SLC39A8: variants seen among roughly 807,000 people sequenced by gnomAD.
The protein encoded by SLC39A8 is solute carrier family 39 member 8.
A neutral mutation model predicts 40.4 loss-of-function variants in SLC39A8; 15 were observed. The ratio of observed to expected loss-of-function variants is 0.37; its 90% CI spans 0.25 to 0.57. The LOEUF is 0.57. Ranked by LOEUF, SLC39A8 falls within the 20% of genes least tolerant of loss-of-function variation. SLC39A8 has a pLI of 0.75. For missense variants in SLC39A8, 472 were observed against 558.8 expected (o/e 0.84, Z 1.57); for synonymous variants, 223 against 221.6 (o/e 1.01, Z -0.06).
At position 102,304,992 on chromosome 4, in the gene SLC39A8, A is replaced by G. The variant is rs1734103777; in HGVS notation, c.672T>C (p.Gly224=). Residue 224 remains glycine (G), a synonymous_variant, in exon 5 of 9, where the codon GGT becomes GGC. Coordinates refer to ENST00000356736, the MANE Select transcript of SLC39A8 (RefSeq NM_001135146.2). ...GTTTTAAATAAAGTCCATTTACCTGACCATATGTCTTTAATAACATCTTTA... is the reference window on the plus strand; with the variant it reads ...GTTTTAAATAAAGTCCATTTACCTGGCCATATGTCTTTAATAACATCTTTA... ...RMLKMLLKTY[G]QNGHTHFGND... is the part of the protein sequence containing the mutation. 2 of 1,602,416 alleles carry G rather than the reference A, an allele frequency of 1.2e-6. No individual in the cohort carries two copies. Among genetic ancestry groups the G allele is most frequent in the African/African-American group, 1.3e-5 (1 of 74,540 alleles).
chr4:102,262,892 T>C lies in SLC39A8; in HGVS notation c.*152A>G. On this transcript the variant is annotated 3_prime_UTR_variant, in exon 9 of 9. Transcript: ENST00000356736. ...ATTTTTAACAACAAATAATGGACTA[T>C]TTCACAGACTGATGCCAATAATTAG... 2 of 1,398,666 alleles carry C rather than the reference T, an allele frequency of 1.4e-6. No homozygotes were observed. The highest frequency in any genetic ancestry group is 1.9e-6 in the Non-Finnish European group (2 of 1,079,516). 86.6% of individuals were successfully genotyped at this position (1,398,666 alleles called of 1,614,324 possible).
At chr4:102,332,025 T>C (rs1407778207) in intron 2 of SLC39A8, among the ~76,000 whole-genome samples, 1 of 152,066 alleles carries the variant, frequency 6.6e-6, no homozygotes, top group Non-Finnish European at 1.5e-5. Context: ...TGAAAATAAA[T>C]TGAAGATTTG....
At chr4:102,321,050 G>A (rs1340026984) in intron 2 of SLC39A8, among the ~76,000 whole-genome samples, 4 of 151,954 alleles carry the variant, frequency 2.6e-5, no homozygotes, top group Non-Finnish European at 5.9e-5. Flanking sequence ...AAAGCTGGAG[G>A]ATGACAACCA....
At chr4:102,281,358 C>G (rs1213540235) in intron 6 of SLC39A8, among the ~76,000 whole-genome samples, 1 of 152,080 alleles carries the variant, frequency 6.6e-6, no homozygotes, top group Admixed American at 6.6e-5. Context: ...GATGGGATGC[C>G]GTGGAGAAAC....
intron 2 of SLC39A8, among the ~76,000 whole-genome samples, chr4:102,332,165 T>A (rs1415237792): frequency 6.6e-6 from 1 of 151,960 alleles, no homozygotes; most frequent in South Asian, 2.1e-4. Context: ...AATTGACAAA[T>A]GGGATCTAAT....
Position 102,315,744 on chromosome 4 carries a change from T to A in SLC39A8, c.306A>T (p.Pro102=). The change falls in exon 3 of 9, where the codon CCA becomes CCT. Residue 102 remains proline (P), a synonymous_variant. Transcript: ENST00000356736. ...GAAAGTTCAATTGCTGTAAGACTGC[T>A]GGACAGATGACAGAGAATTTGGAGC... ...ITSSKFSVIC[P]AVLQQLNFHP... 2 of 1,613,508 alleles carry A rather than the reference T, an allele frequency of 1.2e-6. No individual in the cohort carries two copies. Among genetic ancestry groups the A allele is most frequent in the Non-Finnish European group, 1.7e-6 (2 of 1,179,636 alleles).
intron 2 of SLC39A8, among the ~76,000 whole-genome samples, chr4:102,320,887 G>T (rs1471241779): frequency 2.7e-5 from 4 of 150,904 alleles, no homozygotes; most frequent in African/African-American, 9.7e-5. Context: ...TTACCACTTC[G>T]ACTGCTGTTA....
chr4:102,339,941 TA>T (rs1238868471), intron 2 of SLC39A8, among the ~76,000 whole-genome samples: 1 of 152,236 alleles, frequency 6.6e-6, no homozygotes, highest in East Asian at 1.9e-4. Context: ...GGGAGTTATT[TA>T]TATCCCACTG....
At chr4:102,282,142 C>G (rs1732914644) in intron 6 of SLC39A8, among the ~76,000 whole-genome samples, 1 of 152,160 alleles carries the variant, frequency 6.6e-6, no homozygotes, top group African/African-American at 2.4e-5. Flanking sequence ...GGATTTGAGC[C>G]TCCATGCCAA....
chr4:102,344,397 T>G (rs1221979373), intron 2 of SLC39A8, 47 bp downstream of exon 2: 1 of 1,358,872 alleles, frequency 7.4e-7, no homozygotes, highest in Admixed American at 3.1e-5. Flanking sequence ...AAGTGAAGTC[T>G]AGGGACACCC....
rs1260462462 is a variant in SLC39A8 at position 102,261,707 on chromosome 4, TTTAA to T, written c.*1333_*1336del. The T allele has an allele frequency of 1.1e-5, 11 of 982,906 alleles. No individual in the cohort carries two copies. The African/African-American group carries it at 1.9e-4, about 17-fold the overall frequency. The allele number at this position is 982,906 out of a possible 1,614,324, so 60.9% of individuals were successfully genotyped here. A position where few individuals can be genotyped will look rare whatever the true frequency, so the allele number is the denominator to read the frequency against. ...TTTACTATTTGGCCAAACAATATTT[TTTAA>T]TTGTCAGTCATAAAGTGAAATACAT... is the stretch of plus-strand genomic sequence containing the variant. On this transcript the variant is annotated 3_prime_UTR_variant, in exon 9 of 9. Transcript: ENST00000356736.
At chr4:102,259,545 TG>T, downstream of SLC39A8, 1 of 1,460,330 alleles carries the variant, frequency 6.8e-7, no homozygotes, top group Non-Finnish European at 9.4e-7. Flanking sequence ...ACTGGTATTA[TG>T]GGGGAGAGAT....
intron 2 of SLC39A8, among the ~76,000 whole-genome samples, chr4:102,334,053 G>T (rs1030782297): frequency 6.6e-6 from 1 of 152,072 alleles, no homozygotes; most frequent in African/African-American, 2.4e-5. Flanking sequence ...CATGTGACTT[G>T]GTATAAATTT....
chr4:102,284,457 G>A (rs1459960848), intron 6 of SLC39A8, among the ~76,000 whole-genome samples: 2 of 152,122 alleles, frequency 1.3e-5, no homozygotes, highest in Non-Finnish European at 2.9e-5. Flanking sequence ...GTGTAGAGCA[G>A]AGCTTGGCAC....
chr4:102,304,479 A>C lies in SLC39A8; in HGVS notation c.678T>G (p.Asn226Lys), dbSNP rs1216828704. ...LKMLLKTYGQNGHTHFGNDNF... is the reference protein window; with the variant it reads ...LKMLLKTYGQKGHTHFGNDNF... Reference sequence around the variant, plus strand: ...TATCATTTCCAAAGTGGGTATGACCATTCTATATGGGAACAAAAACCAAAG... The same window carrying C: ...TATCATTTCCAAAGTGGGTATGACCCTTCTATATGGGAACAAAAACCAAAG... The change falls in exon 6 of 9, where the codon AAT (asparagine) becomes AAG (lysine). Residue 226 changes from asparagine to lysine, a missense_variant and splice_region_variant. Transcript: ENST00000356736. 6.2e-7 allele frequency: 1 copy of C among 1,608,182 alleles called. No individual in the cohort carries two copies. The highest frequency in any genetic ancestry group is 1.1e-5 in the South Asian group (1 of 90,262).
Position 102,307,526 on chromosome 4 carries a change from C to G in SLC39A8, c.462G>C (p.Lys154Asn). 2 of 1,613,444 alleles carry G rather than the reference C, an allele frequency of 1.2e-6. No individual in the cohort carries two copies. The highest frequency in any genetic ancestry group is 2.7e-5 in the African/African-American group (2 of 74,982). ...LLGLILTPLI[K>N]KSYFPKILTF... ...TCAAAATCTTTGGGAAATAAGATTT[C>G]TTTATCAGTGGAGTCAAAATCAATC... The change falls in exon 4 of 9, where the codon AAG becomes AAC. Residue 154 changes from lysine (K) to asparagine (N), a missense_variant. Physicochemically the swap from Lys to Asn is moderately conservative, Grantham distance 94. Around this residue, in one of 4 missense-constraint regions of SLC39A8, gnomAD observed 239 missense variants for 317.9 expected, o/e 0.75. Transcript: ENST00000356736.
chr4:102,259,541 A>G (rs1175883343), downstream of SLC39A8: 2 of 1,475,696 alleles, frequency 1.4e-6, no homozygotes, highest in Non-Finnish European at 1.9e-6. Context: ...ACAAACTGGT[A>G]TTATGGGGGA....
intron 11 of SLC39A8, among the ~76,000 whole-genome samples, chr4:102,254,434 C>G (rs1731664538): frequency 6.6e-6 from 1 of 152,122 alleles, no homozygotes; most frequent in South Asian, 2.1e-4. Flanking sequence ...CCATAGTTCC[C>G]TACAATGGTT....
At chr4:102,336,113 G>A (rs1230308706) in intron 2 of SLC39A8, among the ~76,000 whole-genome samples, 1 of 152,058 alleles carries the variant, frequency 6.6e-6, no homozygotes, top group African/African-American at 2.4e-5. Context: ...TATAGGTAAT[G>A]GAAAAAAGTC....
Sources: gnomAD v4.1 joint callset for allele counts (sites outside exome capture counted in the v4.1 genomes callset) on GRCh38, gnomAD v4.1.1 for gene constraint, gnomAD v4.1.1 regional missense constraint, MANE v1.5 for transcripts, NCBI Gene and HGNC (gene_info 2026-07-23, HGNC 2026-07-21) for gene names.